TMTC2: variants seen among roughly 807,000 people sequenced by gnomAD.
TMTC2 encodes the protein transmembrane O-mannosyltransferase targeting cadherins 2, also known as protein O-mannosyl-transferase TMTC2.
Under a neutral mutation model 82.4 loss-of-function variants are expected in TMTC2, and 43 were observed. The observed-to-expected ratio is 0.52, with a 90% CI of 0.41 to 0.67. The LOEUF is 0.67. TMTC2 is among the 30% of genes least tolerant of loss of function. The probability of loss-of-function intolerance (pLI) is 0.00; values close to 1 mark genes in which losing one functional copy is unlikely to be tolerated. For synonymous variants in TMTC2, 408 were observed against 381.9 expected (o/e 1.07, Z -0.80); for missense variants, 919 against 1,012.4 (o/e 0.91, Z 1.25).
At chr12:82,938,103 G>A (rs1320753535) in intron 4 of TMTC2, among the ~76,000 whole-genome samples, 10 of 151,198 alleles carry the variant, frequency 6.6e-5, no homozygotes, top group African/African-American at 2.2e-4. Context: ...TAGTAGAGAC[G>A]GGGTTTCGCC....
At chr12:82,800,555 A>C (rs1216417614) in intron 1 of TMTC2, among the ~76,000 whole-genome samples, 1 of 152,212 alleles carries the variant, frequency 6.6e-6, no homozygotes, top group Non-Finnish European at 1.5e-5. Flanking sequence ...ATTGGAGGAA[A>C]GGGAGAAAAA....
Position 82,997,364 on chromosome 12 carries a change from A to ATATATATATGTGTATATATATATG in TMTC2, c.2070+11319_2070+11320insATATATATGTGTATATATATATGT, listed in dbSNP as rs1565845075. 9.9e-3 allele frequency among the ~76,000 whole-genome samples: 285 copies of ATATATATATGTGTATATATATATG among 28,900 alleles called. 81 individuals carry two copies. Among genetic ancestry groups the ATATATATATGTGTATATATATATG allele is most frequent in the East Asian group, 0.07 (48 of 684 alleles). 19.0% of individuals were successfully genotyped at this position (28,900 alleles called of 152,430 possible). ...TGTGTGTGTGTATATATATATATATATGTGTATATATATATATGTGTATAT... is the reference window on the plus strand; with the variant it reads ...TGTGTGTGTGTATATATATATATATATATATATATGTGTATATATATATGTGTGTATATATATATATGTGTATAT... On this transcript the variant is annotated intron_variant, in intron 8 of 11. Coordinates refer to ENST00000321196, the MANE Select transcript of TMTC2 (RefSeq NM_152588.3).
intron 10 of TMTC2, among the ~76,000 whole-genome samples, chr12:83,057,813 T>G (rs1330963396): frequency 1.3e-5 from 2 of 151,948 alleles, no homozygotes; most frequent in African/African-American, 2.4e-5. Context: ...TTATATTAAT[T>G]TTTAATTCAA....
chr12:82,708,588 T>C (rs1873481486), intron 1 of TMTC2, among the ~76,000 whole-genome samples: 2 of 152,208 alleles, frequency 1.3e-5, no homozygotes, highest in African/African-American at 4.8e-5. Flanking sequence ...TGTAAGTCTT[T>C]GTGTGCTGGT....
intron 1 of TMTC2, among the ~76,000 whole-genome samples, chr12:82,714,961 A>T (rs7307015): frequency 6.6e-6 from 1 of 152,164 alleles, no homozygotes; most frequent in Non-Finnish European, 1.5e-5. Context: ...GCTGACAAAA[A>T]GCAGATTAAT....
At chr12:82,850,261 C>T (rs115563985) in intron 1 of TMTC2, among the ~76,000 whole-genome samples, 1,637 of 152,194 alleles carry the variant, frequency 0.011, 46 homozygotes, top group African/African-American at 0.037. Flanking sequence ...TTGTGAAAAG[C>T]GTCATTAACA....
At chr12:82,698,519 C>T (rs1315784716) in intron 1 of TMTC2, among the ~76,000 whole-genome samples, 1 of 152,172 alleles carries the variant, frequency 6.6e-6, no homozygotes, top group Non-Finnish European at 1.5e-5. Flanking sequence ...CTTGGTTGAT[C>T]ACTGTACATT....
intron 4 of TMTC2, among the ~76,000 whole-genome samples, chr12:82,947,134 T>C (rs191703871): frequency 2.6e-5 from 4 of 152,266 alleles, no homozygotes; most frequent in African/African-American, 9.6e-5. Context: ...AACTGCACTG[T>C]TATTCTAAGG....
intron 3 of TMTC2, among the ~76,000 whole-genome samples, chr12:82,906,213 A>G (rs963536456): frequency 2.0e-5 from 3 of 152,152 alleles, no homozygotes; most frequent in African/African-American, 7.2e-5. Context: ...TTTACCTCGA[A>G]TTGAGTGTCT....
At chr12:82,913,041 A>G (rs950288278) in intron 3 of TMTC2, among the ~76,000 whole-genome samples, 15 of 152,126 alleles carry the variant, frequency 9.9e-5, no homozygotes, top group African/African-American at 3.6e-4. Flanking sequence ...TAATGAAAAC[A>G]TTAGTATATT....
intron 4 of TMTC2, among the ~76,000 whole-genome samples, chr12:82,946,185 G>T (rs1189580001): frequency 6.6e-6 from 1 of 152,040 alleles, no homozygotes; most frequent in East Asian, 1.9e-4. Flanking sequence ...TACCTATAAT[G>T]ACAAATAATG....
chr12:82,789,109 G>A (rs549638732), intron 1 of TMTC2, among the ~76,000 whole-genome samples: 2 of 152,128 alleles, frequency 1.3e-5, no homozygotes, highest in Admixed American at 6.5e-5. Context: ...TTTTGATTCG[G>A]CTTCCTTTTG....
At chr12:82,754,533 G>A (rs930427408) in intron 1 of TMTC2, among the ~76,000 whole-genome samples, 3 of 151,984 alleles carry the variant, frequency 2.0e-5, no homozygotes, top group African/African-American at 4.8e-5. Context: ...TCAGGAGTTC[G>A]AGACCAGCCT....
chr12:83,104,999 C>G (rs1480527727), intron 11 of TMTC2, among the ~76,000 whole-genome samples: 1 of 152,152 alleles, frequency 6.6e-6, no homozygotes, highest in South Asian at 2.1e-4. Flanking sequence ...ATTTCTTCTG[C>G]CAGATACCCT....
chr12:82,877,947 C>T (rs1021313553), intron 2 of TMTC2, among the ~76,000 whole-genome samples: 2 of 152,100 alleles, frequency 1.3e-5, no homozygotes, highest in African/African-American at 4.8e-5. Flanking sequence ...TTTTAAAAAT[C>T]CCAGAGTAAA....
intron 2 of TMTC2, among the ~76,000 whole-genome samples, chr12:82,891,001 C>A (rs780740559): frequency 6.6e-6 from 1 of 152,178 alleles, no homozygotes; most frequent in Non-Finnish European, 1.5e-5. Context: ...CAAGGAGATT[C>A]ATGCCTTATC....
intron 1 of TMTC2, among the ~76,000 whole-genome samples, chr12:82,736,698 T>C (rs887685802): frequency 1.3e-5 from 2 of 152,218 alleles, no homozygotes; most frequent in African/African-American, 4.8e-5. Flanking sequence ...TGCTATATTA[T>C]TGCTAGCATT....
intron 9 of TMTC2, among the ~76,000 whole-genome samples, chr12:83,049,285 A>G (rs1882256765): frequency 1.3e-5 from 2 of 152,144 alleles, no homozygotes; most frequent in Non-Finnish European, 2.9e-5. Flanking sequence ...ATAGTACCCA[A>G]GGGGCAGTTT....
chr12:82,751,970 G>C (rs1592900008), intron 1 of TMTC2, among the ~76,000 whole-genome samples: 2 of 152,074 alleles, frequency 1.3e-5, no homozygotes, highest in South Asian at 2.1e-4. Context: ...ACTTTATTCA[G>C]ACCAATATTA....
Sources: gnomAD v4.1 joint callset for allele counts (sites outside exome capture counted in the v4.1 genomes callset) on GRCh38, gnomAD v4.1.1 for gene constraint, MANE v1.5 for transcripts, NCBI Gene and HGNC (gene_info 2026-07-23, HGNC 2026-07-21) for gene names.